KCNAB1: variants seen among roughly 807,000 people sequenced by gnomAD.
The protein encoded by KCNAB1 is potassium voltage-gated channel subfamily A regulatory beta subunit 1.
KCNAB1 carries 35 observed loss-of-function variants against 64.6 expected under a neutral mutation model. The ratio of observed to expected loss-of-function variants is 0.54; its 90% CI spans 0.41 to 0.72. The LOEUF (loss-of-function observed/expected upper bound fraction) is 0.72, where lower values mean the gene tolerates loss of function less well. Ranked by LOEUF, KCNAB1 falls within the 30% of genes least tolerant of loss-of-function variation. The pLI, the probability that KCNAB1 is intolerant of heterozygous loss-of-function variation, is 0.00. For synonymous variants in KCNAB1, 177 were observed against 183.8 expected (o/e 0.96, Z 0.30); for missense variants, 401 against 512.9 (o/e 0.78, Z 2.11).
chr3:156,137,376 G>A (rs1163503823), intron 1 of KCNAB1, among the ~76,000 whole-genome samples: 2 of 152,052 alleles, frequency 1.3e-5, no homozygotes, highest in African/African-American at 4.8e-5. Flanking sequence ...CATTAGTCAT[G>A]TGTTGTACTC....
intron 1 of KCNAB1, among the ~76,000 whole-genome samples, chr3:156,269,288 G>A (rs574048894): frequency 1.1e-4 from 16 of 152,250 alleles, no homozygotes; most frequent in African/African-American, 3.8e-4. Flanking sequence ...CCATGTGTTT[G>A]TATAGTTTCC....
chr3:156,167,498 T>C lies in KCNAB1; in HGVS notation c.275+46612T>C, dbSNP rs147574825. 3.7e-3 allele frequency among the ~76,000 whole-genome samples: 569 copies of C among 152,332 alleles called. 3 individuals are homozygous for C. The highest frequency in any genetic ancestry group is 0.013 in the African/African-American group (538 of 41,568). The stretch of plus-strand genomic sequence containing the variant: ...AACATTGGGTTTCTTTTTTAACCAA[T>C]AAGCTTTCTCTGAAGATGACCTAAA... On this transcript the variant is annotated intron_variant, in intron 1 of 13. Transcript: ENST00000490337.
intron 1 of KCNAB1, among the ~76,000 whole-genome samples, chr3:156,387,672 T>C (rs778502666): frequency 6.6e-5 from 10 of 152,060 alleles, no homozygotes; most frequent in Non-Finnish European, 1.5e-4. Flanking sequence ...AGTAGAAAAA[T>C]ATAGATTTTT....
At chr3:156,385,757 C>T (rs1712537562) in intron 1 of KCNAB1, among the ~76,000 whole-genome samples, 2 of 152,188 alleles carry the variant, frequency 1.3e-5, no homozygotes. Flanking sequence ...TTTATTCATT[C>T]TCATAAGCAG....
At chr3:156,125,274 A>G (rs764287176) in intron 1 of KCNAB1, among the ~76,000 whole-genome samples, 1 of 152,224 alleles carries the variant, frequency 6.6e-6, no homozygotes, top group Non-Finnish European at 1.5e-5. Context: ...TTTAAGGCCT[A>G]TGAAGAAAAT....
At chr3:156,246,080 G>A (rs1402364507) in intron 1 of KCNAB1, among the ~76,000 whole-genome samples, 1 of 152,150 alleles carries the variant, frequency 6.6e-6, no homozygotes, top group Non-Finnish European at 1.5e-5. Context: ...TGAATCAACA[G>A]CATGCGTAAA....
chr3:156,149,936 A>G (rs1366119200), intron 1 of KCNAB1, among the ~76,000 whole-genome samples: 1 of 152,214 alleles, frequency 6.6e-6, no homozygotes, highest in Non-Finnish European at 1.5e-5. Context: ...AAGTATTAAT[A>G]GCTAGAGCTG....
chr3:156,356,607 C>T (rs1177892640), intron 1 of KCNAB1, among the ~76,000 whole-genome samples: 2 of 152,138 alleles, frequency 1.3e-5, no homozygotes, highest in Non-Finnish European at 2.9e-5. Context: ...AATTAAGCAA[C>T]TTTTGAAGCT....
intron 5 of KCNAB1, chr3:156,460,315 T>C (rs564278315): frequency 6.2e-6 from 1 of 160,750 alleles, no homozygotes; most frequent in South Asian, 1.8e-4. Flanking sequence ...CCCCAAAGCT[T>C]TCTTATCTGA....
At chr3:156,471,543 TAGCCTCC>T (rs1713895375) in intron 7 of KCNAB1, among the ~76,000 whole-genome samples, 2 of 152,250 alleles carry the variant, frequency 1.3e-5, no homozygotes, top group South Asian at 4.1e-4. Flanking sequence ...TAAGGTCAAA[TAGCCTCC>T]AGCAAGTACA....
rs190672282 is a variant in KCNAB1, at chr3:156,325,363, G to A, written c.276-96253G>A. On this transcript the variant is annotated intron_variant, in intron 1 of 13. Transcript: ENST00000490337. ...TTCTCTTTTATAAACTGATATCCAT[G>A]ACACTATTTTTGTTACACTTTATTG... 7.9e-5 allele frequency among the ~76,000 whole-genome samples: 12 copies of A among 152,186 alleles called. No individual in the cohort carries two copies. In the East Asian group the frequency reaches 2.3e-3, roughly 29 times the overall value.
chr3:156,459,957 C>T (rs1712772240), intron 5 of KCNAB1, 86 bp downstream of exon 5: 1 of 883,846 alleles, frequency 1.1e-6, no homozygotes, highest in Non-Finnish European at 1.8e-6. Context: ...GACACCTGAC[C>T]AAAAGGCTGT....
At chr3:156,213,070 G>T (rs980049860) in intron 1 of KCNAB1, among the ~76,000 whole-genome samples, 1 of 152,120 alleles carries the variant, frequency 6.6e-6, no homozygotes, top group Admixed American at 6.5e-5. Context: ...GGAACAGCTC[G>T]CTTAGTAACT....
chr3:156,325,529 G>A (rs1297443621), intron 1 of KCNAB1, among the ~76,000 whole-genome samples: 4 of 151,720 alleles, frequency 2.6e-5, no homozygotes, highest in Non-Finnish European at 5.9e-5. Flanking sequence ...CTTTCCTTTG[G>A]ATACTTGTTC....
At chr3:156,140,614 A>G (rs559028703) in intron 1 of KCNAB1, among the ~76,000 whole-genome samples, 8 of 152,210 alleles carry the variant, frequency 5.3e-5, no homozygotes, top group Non-Finnish European at 1.0e-4. Context: ...ATTCCCACAT[A>G]TGAATTTTGG....
chr3:156,159,154 A>G (rs1456325047), intron 1 of KCNAB1, among the ~76,000 whole-genome samples: 1 of 152,150 alleles, frequency 6.6e-6, no homozygotes, highest in African/African-American at 2.4e-5. Flanking sequence ...TGAAGATTCC[A>G]GGTGGCCAGT....
chr3:156,207,930 G>T (rs1264589589), intron 1 of KCNAB1, among the ~76,000 whole-genome samples: 3 of 152,182 alleles, frequency 2.0e-5, no homozygotes, highest in Non-Finnish European at 4.4e-5. Flanking sequence ...AAGAGAAAAA[G>T]AAATCTCCAA....
intron 1 of KCNAB1, among the ~76,000 whole-genome samples, chr3:156,167,135 G>C (rs1034251804): frequency 2.0e-5 from 3 of 152,138 alleles, no homozygotes; most frequent in Non-Finnish European, 2.9e-5. Flanking sequence ...CACATACCCA[G>C]AATCCTGGTA....
intron 2 of KCNAB1, chr3:156,441,269 G>A (rs1716973327): frequency 6.6e-6 from 1 of 152,086 alleles, no homozygotes; most frequent in Admixed American, 6.6e-5. Flanking sequence ...TACTGTTTGG[G>A]AGAGAACAAT....
Sources: allele counts gnomAD v4.1 joint callset (sites outside exome capture counted in the v4.1 genomes callset), GRCh38; gene constraint gnomAD v4.1.1; transcripts MANE v1.5; gene names NCBI Gene and HGNC (gene_info 2026-07-23, HGNC 2026-07-21).